Variants in PNKD observed in about 807,000 individuals in gnomAD.
PNKD encodes probable thioesterase PNKD.
A neutral mutation model predicts 45.3 loss-of-function variants in PNKD; 36 were observed. That is an observed-to-expected ratio of 0.80 (90% CI 0.61 to 1.05). The LOEUF (loss-of-function observed/expected upper bound fraction) is 1.05. Ranked by LOEUF, PNKD falls within the 50% of genes least tolerant of loss-of-function variation. The probability of loss-of-function intolerance (pLI) is 0.00; values close to 1 mark genes in which losing one functional copy is unlikely to be tolerated. For synonymous variants in PNKD, 197 were observed against 210.1 expected (o/e 0.94, Z 0.54); for missense variants, 511 against 506.6 (o/e 1.01, Z -0.08).
chr2:218,275,413 G>A, intron 2 of PNKD: 1 of 1,557,346 alleles, frequency 6.4e-7, no homozygotes, highest in Non-Finnish European at 8.7e-7. Flanking sequence ...CACAGTCATA[G>A]GGCCCAGCCC....
chr2:218,310,839 G>A (rs1389299645), intron 2 of PNKD, among the ~76,000 whole-genome samples: 7 of 151,568 alleles, frequency 4.6e-5, no homozygotes, highest in East Asian at 2.0e-4. Flanking sequence ...TGATCTGCCC[G>A]CCTCGGCTTC....
chr2:218,323,051 G>GGA, intron 2 of PNKD: 1 of 676,360 alleles, frequency 1.5e-6, no homozygotes, highest in Non-Finnish European at 2.1e-6. Flanking sequence ...CGCCAGCCGG[G>GGA]CGGAGCCAGG....
intron 2 of PNKD, among the ~76,000 whole-genome samples, chr2:218,302,477 A>G (rs747232081): frequency 3.9e-5 from 6 of 152,204 alleles, no homozygotes; most frequent in African/African-American, 9.7e-5. Context: ...TTCTAAGCAG[A>G]AGGATCAAGC....
intron 2 of PNKD, among the ~76,000 whole-genome samples, chr2:218,299,343 C>T (rs1026190208): frequency 2.6e-5 from 4 of 152,092 alleles, no homozygotes; most frequent in African/African-American, 4.8e-5. Context: ...GGTTTCACCA[C>T]GTTGGCCAGG....
intron 2 of PNKD, among the ~76,000 whole-genome samples, chr2:218,305,738 C>T (rs974295151): frequency 5.3e-5 from 8 of 152,104 alleles, no homozygotes; most frequent in Non-Finnish European, 1.2e-4. Flanking sequence ...CCAAACCATT[C>T]GTTTCTGTTT....
At chr2:218,313,186 C>T (rs905053304) in intron 2 of PNKD, among the ~76,000 whole-genome samples, 1 of 151,978 alleles carries the variant, frequency 6.6e-6, no homozygotes, top group African/African-American at 2.4e-5. Flanking sequence ...TCTTGGCTCA[C>T]TGCAGCCTCC....
At position 218,346,257 on chromosome 2, in the gene PNKD, G is replaced by A. The variant is rs1694824976; in HGVS notation, c.*1276G>A. 6.5e-6 allele frequency: 1 copy of A among 152,772 alleles called. No individual in the cohort carries two copies. The highest frequency in any genetic ancestry group is 1.5e-5 in the Non-Finnish European group (1 of 68,122). 9.5% of individuals were successfully genotyped at this position (152,772 alleles called of 1,614,324 possible). A position where few individuals can be genotyped will look rare whatever the true frequency, so the allele number is the denominator to read the frequency against. ...AGTCAGCCAGGAGCCCTCTTTTCCT[G>A]TGTCAAAGCCTGCCCTCGGGCTCTG... On this transcript the variant is annotated 3_prime_UTR_variant, in exon 10 of 10. Coordinates refer to ENST00000273077, the MANE Select transcript of PNKD (RefSeq NM_015488.5).
chr2:218,326,156 G>A lies in PNKD; in HGVS notation c.237-13627G>A, dbSNP rs1694151161. Among the ~76,000 whole-genome samples the A allele has an allele frequency of 6.6e-6, 1 of 152,126 alleles. No homozygotes were observed. The highest frequency in any genetic ancestry group is 6.6e-5 in the Admixed American group (1 of 15,258). ...GGTGTGGCTGGGAGGATCGCAAATA[G>A]AGGATTCTACTGGGGGTGGAAAGGC... On this transcript the variant is annotated intron_variant, in intron 2 of 9. Transcript: ENST00000273077. The surrounding 1 kb of genome is among the most constrained non-coding windows in gnomAD (Gnocchi z 4.1).
intron 2 of PNKD, among the ~76,000 whole-genome samples, chr2:218,278,772 G>GCCAGGAAGGAGGTCA (rs1293682325): frequency 6.6e-6 from 1 of 152,232 alleles, no homozygotes; most frequent in Non-Finnish European, 1.5e-5. Context: ...GGTCTGGGGA[G>GCCAGGAAGGAGGTCA]GCTGCAGCTG....
intron 2 of PNKD, among the ~76,000 whole-genome samples, chr2:218,337,614 G>C (rs1026942841): frequency 2.0e-5 from 3 of 152,222 alleles, no homozygotes; most frequent in Admixed American, 2.0e-4. Flanking sequence ...AGTTTGAACT[G>C]AAAGCTTGGC....
At chr2:218,324,642 A>G (rs1694090159) in intron 2 of PNKD, among the ~76,000 whole-genome samples, 1 of 152,154 alleles carries the variant, frequency 6.6e-6, no homozygotes, top group Non-Finnish European at 1.5e-5. Flanking sequence ...AATGAGATTG[A>G]AAAATATTTA....
chr2:218,271,720 ATG>A (rs1690842056), intron 2 of PNKD, among the ~76,000 whole-genome samples, 171 bp downstream of exon 2: 1 of 152,210 alleles, frequency 6.6e-6, no homozygotes, highest in South Asian at 2.1e-4. Context: ...GTGGGAAAGT[ATG>A]TGGAATTGAG....
chr2:218,323,147 G>T, intron 2 of PNKD: 1 of 1,335,350 alleles, frequency 7.5e-7, no homozygotes, highest in Non-Finnish European at 9.5e-7. Flanking sequence ...TCAATGGGCG[G>T]GGCGGGGCCA....
At chr2:218,279,252 G>A (rs372503378) in intron 2 of PNKD, 3 of 1,563,712 alleles carry the variant, frequency 1.9e-6, no homozygotes, top group Non-Finnish European at 2.6e-6. Flanking sequence ...TGAACCCCCA[G>A]GGCAGTAGGA....
chr2:218,281,964 T>A (rs1301187777), intron 2 of PNKD: 1 of 1,600,544 alleles, frequency 6.2e-7, no homozygotes, highest in South Asian at 1.1e-5. Flanking sequence ...ATCGGGTGGG[T>A]GGGGGGCATG....
Position 218,324,997 on chromosome 2 carries a change from C to CTTTTTTTTTTTTTT in PNKD, c.237-14771_237-14758dup, listed in dbSNP as rs1167758595. On this transcript the variant is annotated intron_variant, in intron 2 of 9. Coordinates refer to ENST00000273077, the MANE Select transcript of PNKD (RefSeq NM_015488.5). ...AACATGAAGGTATCTAAATAATTTTCTTTTTTTTTTTTTTTTTTTTTTTTT... is the reference window on the plus strand; with the variant it reads ...AACATGAAGGTATCTAAATAATTTTCTTTTTTTTTTTTTTTTTTTTTTTTTTTTTTTTTTTTTTT... 3.2e-5 allele frequency among the ~76,000 whole-genome samples: 2 copies of CTTTTTTTTTTTTTT among 62,660 alleles called. 1 individual carries two copies. The highest frequency in any genetic ancestry group is 1.3e-4 in the African/African-American group (2 of 14,862). 41.1% of individuals were successfully genotyped at this position (62,660 alleles called of 152,430 possible).
intron 2 of PNKD, chr2:218,334,578 A>G (rs1694434624): frequency 1.6e-6 from 1 of 621,668 alleles, no homozygotes; most frequent in Admixed American, 2.5e-5. Context: ...GCTTGAGCCC[A>G]GGACATTAAG....
chr2:218,336,788 CTTTTTTTTTTTT>C (rs71064439), intron 2 of PNKD, among the ~76,000 whole-genome samples: 1,345 of 29,316 alleles, frequency 0.046, 42 homozygotes, highest in South Asian at 0.15. Context: ...GCCTTCAATT[CTTTTTTTTTTTT>C]TTTTTTTTTT....
Position 218,344,884 on chromosome 2 carries a change from T to C in PNKD, c.1061T>C (p.Leu354Pro), listed in dbSNP as rs1694786258. ...RTHCLALQEA[L>P]GPGPGPTGDD... ...CACTGCCTGGCGCTACAGGAGGCTC[T>C]GGGGCCGGGGCCGGGCCCCACTGGG... The change falls in exon 10 of 10, where the codon CTG becomes CCG. Residue 354 changes from leucine to proline, a missense_variant. Transcript: ENST00000273077. 1.2e-6 allele frequency: 2 copies of C among 1,613,884 alleles called. No individual in the cohort carries two copies. The highest frequency in any genetic ancestry group is 2.7e-5 in the African/African-American group (2 of 74,926).
Sources: gnomAD v4.1 joint callset for allele counts (sites outside exome capture counted in the v4.1 genomes callset) on GRCh38, gnomAD v4.1.1 for gene constraint, Gnocchi (gnomAD v3.1) non-coding constraint, MANE v1.5 for transcripts, NCBI Gene and HGNC (gene_info 2026-07-23, HGNC 2026-07-21) for gene names.